The following ASTN1 variants were observed in gnomAD, a reference collection of about 807,000 sequenced individuals.
ASTN1 encodes the protein astrotactin 1.
A neutral mutation model predicts 140.7 loss-of-function variants in ASTN1; 41 were observed. The ratio of observed to expected loss-of-function variants is 0.29; its 90% CI spans 0.23 to 0.38. The LOEUF (loss-of-function observed/expected upper bound fraction) is 0.38, where lower values mean the gene tolerates loss of function less well. Ranked by LOEUF, ASTN1 falls within the 10% of genes least tolerant of loss-of-function variation. The pLI is 1.00. For missense variants in ASTN1, 1,479 were observed against 1,678.8 expected (o/e 0.88, Z 2.08); for synonymous variants, 640 against 652.2 (o/e 0.98, Z 0.29).
intron 1 of ASTN1, among the ~76,000 whole-genome samples, chr1:177,095,786 G>A (rs369527835): frequency 2.8e-4 from 42 of 152,250 alleles, no homozygotes; most frequent in African/African-American, 8.9e-4. Context: ...ATGGGGCAGG[G>A]CCACCCTTGC....
In ASTN1 at chr1:176,862,900, C is replaced by A. The variant is rs937349484; in HGVS notation, c.*1384G>T. On this transcript the variant is annotated 3_prime_UTR_variant, in exon 23 of 23. Transcript: ENST00000361833. ...CTTGCATCTGTTTGCTGACCTTTCT[C>A]ATATGTTTCCAGATGAGGAGCCCTG... The A allele has an allele frequency of 1.0e-6, 1 of 985,370 alleles. No individual in the cohort carries two copies. The highest frequency in any genetic ancestry group is 1.7e-5 in the African/African-American group (1 of 57,244). 61.0% of individuals were successfully genotyped at this position (985,370 alleles called of 1,614,324 possible). A position where few individuals can be genotyped will look rare whatever the true frequency, so the allele number is the denominator to read the frequency against.
At chr1:177,114,847 G>A (rs1423448822) in intron 1 of ASTN1, among the ~76,000 whole-genome samples, 1 of 152,002 alleles carries the variant, frequency 6.6e-6, no homozygotes, top group South Asian at 2.1e-4. Context: ...CTTTCCTCTG[G>A]TTCCTGTTGC....
chr1:177,004,391 C>T (rs528937520), intron 8 of ASTN1, among the ~76,000 whole-genome samples: 1 of 152,180 alleles, frequency 6.6e-6, no homozygotes, highest in Non-Finnish European at 1.5e-5. Context: ...AATGACCATA[C>T]TGCCCAAAGC....
At chr1:177,143,351 T>C (rs919824573) in intron 1 of ASTN1, among the ~76,000 whole-genome samples, 1 of 152,218 alleles carries the variant, frequency 6.6e-6, no homozygotes, top group African/African-American at 2.4e-5. Flanking sequence ...TACATTGTAA[T>C]GTGAGAATTA....
chr1:177,037,318 C>A (rs1029396542), intron 2 of ASTN1, among the ~76,000 whole-genome samples: 5 of 152,140 alleles, frequency 3.3e-5, no homozygotes. Context: ...AGGCGAGATG[C>A]ACATATCTCA....
At chr1:176,913,445 T>G (rs569229914) in intron 16 of ASTN1, among the ~76,000 whole-genome samples, 1 of 152,272 alleles carries the variant, frequency 6.6e-6, no homozygotes, top group South Asian at 2.1e-4. Context: ...GTGGGAGCTG[T>G]AAAGGTAGGA....
At chr1:176,982,360 A>G (rs1673657944) in intron 8 of ASTN1, among the ~76,000 whole-genome samples, 1 of 152,208 alleles carries the variant, frequency 6.6e-6, no homozygotes, top group African/African-American at 2.4e-5. Context: ...TTATGGTCCA[A>G]TTCAGGGATG....
At chr1:177,052,953 T>C (rs999203110) in intron 2 of ASTN1, among the ~76,000 whole-genome samples, 3 of 152,202 alleles carry the variant, frequency 2.0e-5, no homozygotes, top group Non-Finnish European at 4.4e-5. Flanking sequence ...TTTGGGCCTA[T>C]AATTTACTTT....
At chr1:176,873,014 G>T (rs1553218718) in intron 21 of ASTN1, among the ~76,000 whole-genome samples, 4 of 152,200 alleles carry the variant, frequency 2.6e-5, no homozygotes. Context: ...CTACTGCCTA[G>T]AACAGGTATT....
chr1:176,867,076 C>A (rs905349639), intron 22 of ASTN1, among the ~76,000 whole-genome samples: 2 of 151,880 alleles, frequency 1.3e-5, no homozygotes, highest in African/African-American at 2.4e-5. Context: ...GTGCAGTCAG[C>A]GGTGGCCTTA....
chr1:177,050,515 T>A (rs1677484501), intron 2 of ASTN1, among the ~76,000 whole-genome samples: 1 of 152,150 alleles, frequency 6.6e-6, no homozygotes, highest in South Asian at 2.1e-4. Context: ...GATAGAGGTA[T>A]CATCAGGAGA....
chr1:177,163,700 C>A (rs4652231), intron 1 of ASTN1, among the ~76,000 whole-genome samples: 23,573 of 152,170 alleles, frequency 0.15, 3,686 homozygotes, highest in African/African-American at 0.4. Flanking sequence ...TACTAACAGA[C>A]TACAGTTGTA....
intron 16 of ASTN1, among the ~76,000 whole-genome samples, chr1:176,895,184 G>A (rs776735172): frequency 6.6e-5 from 10 of 152,154 alleles, no homozygotes; most frequent in Non-Finnish European, 1.3e-4. Flanking sequence ...GTAAAGATAC[G>A]AATAGTATCT....
At chr1:177,035,795 A>C (rs770212802) in intron 2 of ASTN1, among the ~76,000 whole-genome samples, 19 of 152,182 alleles carry the variant, frequency 1.2e-4, no homozygotes, top group Non-Finnish European at 2.5e-4. Flanking sequence ...ATCTTCCTTC[A>C]CTGCTCTTCT....
At chr1:176,988,333 A>C (rs1405675240) in intron 8 of ASTN1, among the ~76,000 whole-genome samples, 1 of 150,954 alleles carries the variant, frequency 6.6e-6, no homozygotes. Context: ...AAAAAAAAAA[A>C]CCTTTCCTTT....
At chr1:176,900,708 C>T (rs543968421) in intron 16 of ASTN1, among the ~76,000 whole-genome samples, 4 of 152,160 alleles carry the variant, frequency 2.6e-5, no homozygotes, top group African/African-American at 7.2e-5. Context: ...AATAACTGAA[C>T]TGATTTAGTA....
At chr1:176,909,317 C>T (rs1670131089) in intron 16 of ASTN1, among the ~76,000 whole-genome samples, 1 of 152,192 alleles carries the variant, frequency 6.6e-6, no homozygotes, top group South Asian at 2.1e-4. Context: ...TGAGATCTAT[C>T]AGAAGATGTG....
chr1:176,926,726 T>C (rs1670987257), intron 16 of ASTN1, among the ~76,000 whole-genome samples: 1 of 152,224 alleles, frequency 6.6e-6, no homozygotes, highest in South Asian at 2.1e-4. Context: ...CCTTTGGAGC[T>C]AGTTTGCAAC....
chr1:177,060,991 G>A, intron 2 of ASTN1, 87 bp downstream of exon 2: 2 of 1,266,384 alleles, frequency 1.6e-6, no homozygotes, highest in Non-Finnish European at 2.1e-6. Flanking sequence ...AGTTAGGTCT[G>A]ATAGAGTGAT....
Sources: allele counts gnomAD v4.1 joint callset (sites outside exome capture counted in the v4.1 genomes callset), GRCh38; gene constraint gnomAD v4.1.1; transcripts MANE v1.5; gene names NCBI Gene and HGNC (gene_info 2026-07-23, HGNC 2026-07-21).